Variants in AFG1L observed in about 807,000 individuals in gnomAD.
AFG1L encodes AFG1 like ATPase.
AFG1L carries 53 observed loss-of-function variants against 62.2 expected under a neutral mutation model. The observed-to-expected ratio is 0.85, with a 90% CI of 0.68 to 1.07. AFG1L has a LOEUF of 1.07. Among genes scored for constraint, AFG1L ranks in the 50% least tolerant of loss-of-function variants. The pLI is 0.00. For missense variants in AFG1L, 555 were observed against 590.5 expected, an observed-to-expected ratio of 0.94 and a Z score of 0.62; for synonymous variants, 228 against 210.3, an observed-to-expected ratio of 1.08 and a Z score of -0.73.
At chr6:108,340,542 T>C (rs1170856496) in intron 2 of AFG1L, among the ~76,000 whole-genome samples, 1 of 152,094 alleles carries the variant, frequency 6.6e-6, no homozygotes, top group African/African-American at 2.4e-5. Flanking sequence ...TATTTGTATT[T>C]TTAGTAGAGA....
intron 10 of AFG1L, among the ~76,000 whole-genome samples, chr6:108,482,918 C>A (rs1479456930): frequency 6.6e-6 from 1 of 152,002 alleles, no homozygotes; most frequent in South Asian, 2.1e-4. Context: ...TAAAGTTATT[C>A]TTTCTCCCCC....
intron 7 of AFG1L, among the ~76,000 whole-genome samples, chr6:108,410,400 A>G (rs2114655969): frequency 6.6e-6 from 1 of 152,312 alleles, no homozygotes; most frequent in East Asian, 1.9e-4. Flanking sequence ...AAGAAAAATC[A>G]TTGGGAAAAG....
intron 10 of AFG1L, among the ~76,000 whole-genome samples, chr6:108,481,282 G>A (rs566253757): frequency 6.6e-6 from 1 of 152,310 alleles, no homozygotes; most frequent in South Asian, 2.1e-4. Flanking sequence ...CATGACATGA[G>A]CTTTCAAGTT....
chr6:108,385,354 G>A (rs758654828), intron 6 of AFG1L, among the ~76,000 whole-genome samples: 27 of 152,228 alleles, frequency 1.8e-4, no homozygotes, highest in African/African-American at 2.2e-4. Flanking sequence ...CACCCAGGGC[G>A]GAAAACCGCT....
chr6:108,343,176 T>G (rs9486862), intron 2 of AFG1L, among the ~76,000 whole-genome samples: 53,924 of 151,554 alleles, frequency 0.36, 9,989 homozygotes, highest in Non-Finnish European at 0.42. Context: ...GTGATTCTCC[T>G]GCCTCAGCCT....
At chr6:108,315,254 T>G (rs951042639) in intron 1 of AFG1L, among the ~76,000 whole-genome samples, 3 of 152,200 alleles carry the variant, frequency 2.0e-5, no homozygotes, top group Non-Finnish European at 4.4e-5. Flanking sequence ...ATAAACTTCC[T>G]TTCTCTTCCC....
intron 7 of AFG1L, among the ~76,000 whole-genome samples, chr6:108,415,908 A>C (rs1770243664): frequency 6.6e-6 from 1 of 152,244 alleles, no homozygotes; most frequent in Non-Finnish European, 1.5e-5. Flanking sequence ...ACAGAAGCCA[A>C]AATTGACAAA....
intron 8 of AFG1L, among the ~76,000 whole-genome samples, chr6:108,460,951 C>A (rs924763515): frequency 1.3e-5 from 2 of 152,132 alleles, no homozygotes; most frequent in Non-Finnish European, 1.5e-5. Flanking sequence ...AGCGAGACTC[C>A]GTCTCAACAA....
At chr6:108,387,076 C>T (rs1582490056) in intron 6 of AFG1L, among the ~76,000 whole-genome samples, 2 of 151,772 alleles carry the variant, frequency 1.3e-5, no homozygotes, top group African/African-American at 2.4e-5. Context: ...TAAAAAATAC[C>T]AAGAGATATA....
intron 7 of AFG1L, among the ~76,000 whole-genome samples, chr6:108,415,351 G>T (rs1257020321): frequency 1.7e-5 from 2 of 120,066 alleles, no homozygotes; most frequent in African/African-American, 8.4e-5. Flanking sequence ...TACTGCCCAA[G>T]GTAATTTATA....
chr6:108,338,111 G>A (rs1473656057), intron 2 of AFG1L, among the ~76,000 whole-genome samples: 1 of 152,110 alleles, frequency 6.6e-6, no homozygotes, highest in African/African-American at 2.4e-5. Context: ...TCTTGAGCCC[G>A]GGAGGTCAAA....
At chr6:108,315,802 C>T (rs575233771) in intron 1 of AFG1L, among the ~76,000 whole-genome samples, 1 of 152,254 alleles carries the variant, frequency 6.6e-6, no homozygotes, top group South Asian at 2.1e-4. Context: ...AATTCCAGAT[C>T]TTTGGGAGGC....
At chr6:108,400,669 A>G (rs1781533187) in intron 6 of AFG1L, among the ~76,000 whole-genome samples, 1 of 104,662 alleles carries the variant, frequency 9.6e-6, no homozygotes, top group South Asian at 2.8e-4. Flanking sequence ...TATATAATTT[A>G]TATATTATAT....
intron 1 of AFG1L, among the ~76,000 whole-genome samples, chr6:108,310,929 C>CT (rs1051231946): frequency 6.6e-6 from 1 of 151,764 alleles, no homozygotes; most frequent in South Asian, 2.1e-4. Context: ...GAATGGGATC[C>CT]TTTTTTTTCT....
chr6:108,456,930 CAT>C (rs1772275898), intron 8 of AFG1L, among the ~76,000 whole-genome samples: 1 of 152,156 alleles, frequency 6.6e-6, no homozygotes, highest in South Asian at 2.1e-4. Context: ...AGCCCAGGAG[CAT>C]TAGGCTATAC....
At chr6:108,447,388 G>T (rs72938657) in intron 8 of AFG1L, 92 bp downstream of exon 8, 40,459 of 710,060 alleles carry the variant, frequency 0.057, 1,730 homozygotes, top group South Asian at 0.17. Flanking sequence ...AACGTGAAAG[G>T]CTGGTTCTGA....
chr6:108,464,541 T>C (rs887030400), intron 8 of AFG1L, among the ~76,000 whole-genome samples: 2 of 152,188 alleles, frequency 1.3e-5, no homozygotes, highest in African/African-American at 4.8e-5. Context: ...CCAAATTTCC[T>C]GGCAACTGAA....
At chr6:108,385,261 G>C (rs532059403) in intron 6 of AFG1L, among the ~76,000 whole-genome samples, 1 of 152,260 alleles carries the variant, frequency 6.6e-6, no homozygotes, top group Non-Finnish European at 1.5e-5. Context: ...AATCTCTGCA[G>C]CACTGTGACA....
chr6:108,463,286 CAAAAA>C (rs56937746), intron 8 of AFG1L, among the ~76,000 whole-genome samples: 1 of 40,526 alleles, frequency 2.5e-5, no homozygotes, highest in African/African-American at 6.9e-5. Context: ...GAGACTCTGT[CAAAAA>C]AAAAAAAAAA....
Sources: gnomAD v4.1 joint callset for allele counts (sites outside exome capture counted in the v4.1 genomes callset) on GRCh38, gnomAD v4.1.1 for gene constraint, MANE v1.5 for transcripts, NCBI Gene and HGNC (gene_info 2026-07-23, HGNC 2026-07-21) for gene names.